The following ANPEP variants were observed in gnomAD, a reference collection of about 807,000 sequenced individuals.
The protein encoded by ANPEP is alanyl aminopeptidase, membrane.
Under a neutral mutation model 114.6 loss-of-function variants are expected in ANPEP, and 70 were observed. The ratio of observed to expected loss-of-function variants is 0.61; its 90% CI spans 0.50 to 0.75. The LOEUF (loss-of-function observed/expected upper bound fraction) is 0.75, where lower values mean the gene tolerates loss of function less well. Among genes scored for constraint, ANPEP ranks in the 30% least tolerant of loss-of-function variants. ANPEP has a pLI of 0.00. For synonymous variants in ANPEP, 548 were observed against 522.3 expected, an observed-to-expected ratio of 1.05 and a Z score of -0.67; for missense variants, 1,184 against 1,259.5, an observed-to-expected ratio of 0.94 and a Z score of 0.91.
Position 89,803,381 on chromosome 15 carries a change from G to T in ANPEP, c.1503+61C>A. The T allele has an allele frequency of 5.6e-6, 9 of 1,613,302 alleles. No homozygotes were observed. The highest frequency in any genetic ancestry group is 7.6e-6 in the Non-Finnish European group (9 of 1,179,378). On this transcript the variant is annotated intron_variant, in intron 9 of 20. Transcript: ENST00000300060. This position sits in a 1 kb window ranked among gnomAD's most constrained non-coding sequence, Gnocchi z 4.2. ...CCCTCTGTGGTGGGCAGAGGCCCGG[G>T]TCAAGGGCGAGGGGCAGAAGGAGAC...
intron 20 of ANPEP, 146 bp from the exon 21 acceptor site, chr15:89,785,647 A>G: frequency 1.7e-6 from 2 of 1,212,044 alleles, no homozygotes; most frequent in African/African-American, 1.5e-5. Context: ...CAGGACGTCC[A>G]CCTTGCTCCC....
intron 20 of ANPEP, among the ~76,000 whole-genome samples, chr15:89,789,866 C>T (rs921451082): frequency 6.7e-6 from 1 of 150,316 alleles, no homozygotes; most frequent in African/African-American, 2.5e-5. Flanking sequence ...GTCAGGAGAT[C>T]GAGACCATGG....
At chr15:89,790,699 G>A (rs932905885) in intron 19 of ANPEP, among the ~76,000 whole-genome samples, 158 bp from the exon 20 acceptor site, 3 of 152,082 alleles carry the variant, frequency 2.0e-5, no homozygotes, top group Admixed American at 2.0e-4. Flanking sequence ...TTGAACACAG[G>A]TCTGACTGCC....
rs1435357897 is a variant in ANPEP at position 89,803,807 on chromosome 15, G to A, written c.1294-17C>T. The stretch of plus-strand genomic sequence containing the variant: ...GAGGTCTTTCTGCAAATTCCCCAGG[G>A]CCATCAGGAGACTGGCCTGGTAGCG... On this transcript the variant is annotated splice_polypyrimidine_tract_variant and intron_variant, in intron 7 of 20. Coordinates refer to ENST00000300060, the MANE Select transcript of ANPEP (RefSeq NM_001150.3). The surrounding 1 kb of genome is among the most constrained non-coding windows in gnomAD (Gnocchi z 4.2). The A allele has an allele frequency of 1.9e-6, 3 of 1,610,128 alleles. No individual in the cohort carries two copies. Among genetic ancestry groups the A allele is most frequent in the Non-Finnish European group, 2.5e-6 (3 of 1,177,038 alleles).
chr15:89,791,145 G>T, intron 18 of ANPEP, 52 bp from the exon 19 acceptor site: 1 of 1,600,974 alleles, frequency 6.2e-7, no homozygotes, highest in South Asian at 1.1e-5. Flanking sequence ...TGACTCAGGA[G>T]AGAACTTGGA....
In ANPEP at chr15:89,800,715, C is replaced by T. The variant is rs560331574; in HGVS notation, c.1819+396G>A. ...TAGCTGGGATTACAGGCATGCACCA[C>T]CACACCTGGCTAATTTTGTATTTTT... On this transcript the variant is annotated intron_variant, in intron 12 of 20. Coordinates refer to ENST00000300060, the MANE Select transcript of ANPEP (RefSeq NM_001150.3). Among the ~76,000 whole-genome samples the T allele has an allele frequency of 5.3e-5, 8 of 152,216 alleles. No homozygotes were observed. The South Asian group carries it at 1.7e-3, about 32-fold the overall frequency.
chr15:89,804,532 A>G lies in ANPEP; in HGVS notation c.983T>C (p.Phe328Ser). Residue 328 changes from phenylalanine to serine, a missense_variant, in exon 5 of 21, where the codon TTT becomes TCT. By Grantham distance (155) the Phe-to-Ser change is radical (BLOSUM62 -2). Coordinates refer to ENST00000300060, the MANE Select transcript of ANPEP (RefSeq NM_001150.3). ...LNVTGPILNFFAGHYDTPYPL... is the reference protein window; with the variant it reads ...LNVTGPILNFSAGHYDTPYPL... ...GTAGGGTGTGTCATAATGACCAGCAAAGAAGTTAAGGATGGGGCCCGTCAC... is the reference window on the plus strand; with the variant it reads ...GTAGGGTGTGTCATAATGACCAGCAGAGAAGTTAAGGATGGGGCCCGTCAC... 5 of 1,614,230 alleles carry G rather than the reference A, an allele frequency of 3.1e-6. No homozygotes were observed. The highest frequency in any genetic ancestry group is 3.4e-6 in the Non-Finnish European group (4 of 1,180,024).
Position 89,803,575 on chromosome 15 carries a change from C to T in ANPEP, c.1438-68G>A, listed in dbSNP as rs750805229. ...CACCAGGACCCTGTGCCCCCAGACCCTGCCTTCAGTGAGGCCCCTCCAGGC... is the reference window on the plus strand; with the variant it reads ...CACCAGGACCCTGTGCCCCCAGACCTTGCCTTCAGTGAGGCCCCTCCAGGC... On this transcript the variant is annotated intron_variant, in intron 8 of 20. Coordinates refer to ENST00000300060, the MANE Select transcript of ANPEP (RefSeq NM_001150.3). The surrounding 1 kb of genome is among the most constrained non-coding windows in gnomAD (Gnocchi z 4.2). 6 of 1,601,458 alleles carry T rather than the reference C, an allele frequency of 3.7e-6. No homozygotes were observed. The highest frequency in any genetic ancestry group is 5.1e-6 in the Non-Finnish European group (6 of 1,174,768).
At chr15:89,813,376 G>A (rs942916798) in intron 1 of ANPEP, among the ~76,000 whole-genome samples, 54 of 152,342 alleles carry the variant, frequency 3.5e-4, no homozygotes, top group African/African-American at 1.2e-3. Flanking sequence ...GAGCGCCAGC[G>A]TGTAACGAAG....
chr15:89,799,662 C>G lies in ANPEP; in HGVS notation c.1820-103G>C. On this transcript the variant is annotated intron_variant, in intron 12 of 20. Coordinates refer to ENST00000300060, the MANE Select transcript of ANPEP (RefSeq NM_001150.3). The surrounding 1 kb of genome is among the most constrained non-coding windows in gnomAD (Gnocchi z 4.2). ...GCCCCCGCAGCCTGGCACCACCTCACCCTCAAGCTGCTGGGGAGACGCTAA... is the reference window on the plus strand; with the variant it reads ...GCCCCCGCAGCCTGGCACCACCTCAGCCTCAAGCTGCTGGGGAGACGCTAA... 1 of 1,531,574 alleles carries G rather than the reference C, an allele frequency of 6.5e-7. No individual in the cohort carries two copies. The highest frequency in any genetic ancestry group is 8.9e-7 in the Non-Finnish European group (1 of 1,122,430). The allele number at this position is 1,531,574 out of a possible 1,614,324, so 94.9% of individuals were successfully genotyped here. A position where few individuals can be genotyped will look rare whatever the true frequency, so the allele number is the denominator to read the frequency against.
chr15:89,785,688 A>C (rs1391514239), intron 20 of ANPEP, among the ~76,000 whole-genome samples, 187 bp from the exon 21 acceptor site: 1 of 152,238 alleles, frequency 6.6e-6, no homozygotes, highest in Non-Finnish European at 1.5e-5. Context: ...CAGAGGTTGC[A>C]AAATGACAAT....
At chr15:89,794,507 T>A (rs1051430327) in intron 15 of ANPEP, among the ~76,000 whole-genome samples, 4 of 151,314 alleles carry the variant, frequency 2.6e-5, no homozygotes, top group East Asian at 3.9e-4. Flanking sequence ...TAAATAAAAA[T>A]AAATAAAAAA....
chr15:89,812,372 ACT>A, intron 1 of ANPEP, among the ~76,000 whole-genome samples: 1 of 152,214 alleles, frequency 6.6e-6, no homozygotes, highest in Non-Finnish European at 1.5e-5. Context: ...GCCAGGGCAC[ACT>A]CTGTCCCCGC....
intron 3 of ANPEP, 33 bp from the exon 4 acceptor site, chr15:89,805,250 C>A (rs767081532): frequency 1.2e-6 from 2 of 1,613,504 alleles, no homozygotes; most frequent in East Asian, 2.2e-5. Flanking sequence ...TGAGGACGTA[C>A]CCTCCTGCCC....
chr15:89,790,936 C>A lies in ANPEP; in HGVS notation c.2669+17G>T. 1.2e-6 allele frequency: 2 copies of A among 1,612,890 alleles called. No individual in the cohort carries two copies. Among genetic ancestry groups the A allele is most frequent in the Non-Finnish European group, 1.7e-6 (2 of 1,179,308 alleles). ...CCTCGGCGCTCGCTGTCCCTGACACCCATTCCACAGACTCACTCGTTAAAA... is the reference window on the plus strand; with the variant it reads ...CCTCGGCGCTCGCTGTCCCTGACACACATTCCACAGACTCACTCGTTAAAA... On this transcript the variant is annotated intron_variant, in intron 19 of 20. Transcript: ENST00000300060.
Position 89,811,076 on chromosome 15 carries a change from C to G in ANPEP, c.-224+3696G>C, listed in dbSNP as rs574758583. ...CACCTGGCGTGCAGTGGGAGGGCAACACGTGCTTGTGGAATGGGGCATCAG... is the reference window on the plus strand; with the variant it reads ...CACCTGGCGTGCAGTGGGAGGGCAAGACGTGCTTGTGGAATGGGGCATCAG... On this transcript the variant is annotated intron_variant, in intron 1 of 20. Coordinates refer to ENST00000300060, the MANE Select transcript of ANPEP (RefSeq NM_001150.3). 3.3e-3 allele frequency among the ~76,000 whole-genome samples: 497 copies of G among 152,316 alleles called. 4 individuals carry two copies. The highest frequency in any genetic ancestry group is 4.1e-3 in the Non-Finnish European group (280 of 68,030).
In ANPEP at chr15:89,792,502, C is replaced by T. The variant is rs79477244; in HGVS notation, c.2310G>A (p.Glu770=). 1.4e-3 allele frequency: 2,216 copies of T among 1,614,172 alleles called. 34 individuals carry two copies. In the African/African-American group the frequency reaches 0.027, roughly 20 times the overall value. The change falls in exon 17 of 21, where the codon GAG becomes GAA. Residue 770 remains glutamate, a synonymous_variant. Coordinates refer to ENST00000300060, the MANE Select transcript of ANPEP (RefSeq NM_001150.3). ...ACSNGVPECE[E]MVSGLFKQWM... ...ACTGCTTGAAAAGGCCAGAGACCAT[C>T]TCCTCACACTCTGGAACTCCGTTGG...
chr15:89,799,637 GC>G lies in ANPEP; in HGVS notation c.1820-79del. The G allele has an allele frequency of 6.3e-7, 1 of 1,591,552 alleles. No individual in the cohort carries two copies. Among genetic ancestry groups the G allele is most frequent in the African/African-American group, 1.3e-5 (1 of 74,690 alleles). On this transcript the variant is annotated intron_variant, in intron 12 of 20. Coordinates refer to ENST00000300060, the MANE Select transcript of ANPEP (RefSeq NM_001150.3). This position sits in a 1 kb window ranked among gnomAD's most constrained non-coding sequence, Gnocchi z 4.2. ...CCCTGGACCTCTTGCAAGAGCAGCT[GC>G]CCCCGCAGCCTGGCACCACCTCACC...
At chr15:89,793,578 C>G (rs59985566) in intron 15 of ANPEP, among the ~76,000 whole-genome samples, 1,745 of 151,956 alleles carry the variant, frequency 0.011, 40 homozygotes, top group African/African-American at 0.04. Context: ...TGGTGCACAC[C>G]TGTATTCCCA....
Sources: gnomAD v4.1 joint callset for allele counts (sites outside exome capture counted in the v4.1 genomes callset) on GRCh38, gnomAD v4.1.1 for gene constraint, Gnocchi (gnomAD v3.1) non-coding constraint, MANE v1.5 for transcripts, NCBI Gene and HGNC (gene_info 2026-07-23, HGNC 2026-07-21) for gene names.